PPP1R13B: variants seen among roughly 807,000 people sequenced by gnomAD.
PPP1R13B encodes protein phosphatase 1 regulatory subunit 13B, also known as apoptosis-stimulating of p53 protein 1.
A neutral mutation model predicts 119.8 loss-of-function variants in PPP1R13B; 44 were observed. The observed-to-expected ratio is 0.37, with a 90% CI of 0.29 to 0.47. The LOEUF (loss-of-function observed/expected upper bound fraction) is 0.47. Among genes scored for constraint, PPP1R13B ranks in the 20% least tolerant of loss-of-function variants. The pLI, the probability that PPP1R13B is intolerant of heterozygous loss-of-function variation, is 0.99. For synonymous variants in PPP1R13B, 542 were observed against 561.5 expected, an observed-to-expected ratio of 0.97 and a Z score of 0.49; for missense variants, 1,227 against 1,413.5, an observed-to-expected ratio of 0.87 and a Z score of 2.12.
At chr14:103,752,038 T>A (rs2084562186) in intron 7 of PPP1R13B, among the ~76,000 whole-genome samples, 1 of 152,200 alleles carries the variant, frequency 6.6e-6, no homozygotes, top group Non-Finnish European at 1.5e-5. Context: ...ATACAGGGTG[T>A]GTTTTGGTTA....
At chr14:103,777,771 CAA>C (rs2085240544) in intron 4 of PPP1R13B, among the ~76,000 whole-genome samples, 1 of 148,760 alleles carries the variant, frequency 6.7e-6, no homozygotes, top group Non-Finnish European at 1.5e-5. Flanking sequence ...AGTTATCACC[CAA>C]ACTCATTACT....
intron 6 of PPP1R13B, among the ~76,000 whole-genome samples, chr14:103,753,672 C>T (rs2084603519): frequency 6.6e-6 from 1 of 152,182 alleles, no homozygotes; most frequent in Non-Finnish European, 1.5e-5. Context: ...TCTTGGAGCG[C>T]CCCACCCTAA....
intron 5 of PPP1R13B, among the ~76,000 whole-genome samples, chr14:103,754,660 A>G (rs2084632236): frequency 6.6e-6 from 1 of 152,170 alleles, no homozygotes; most frequent in Admixed American, 6.5e-5. Context: ...CTCATCTTAA[A>G]GAATACTAAA....
At chr14:103,744,934 A>C (rs2084351191) in intron 9 of PPP1R13B, among the ~76,000 whole-genome samples, 6 of 152,244 alleles carry the variant, frequency 3.9e-5, no homozygotes, top group Admixed American at 3.9e-4. Context: ...CACAGCAGAC[A>C]CCAACAAGGA....
intron 4 of PPP1R13B, among the ~76,000 whole-genome samples, chr14:103,776,598 C>T (rs1025766836): frequency 8.5e-5 from 13 of 152,130 alleles, no homozygotes; most frequent in Admixed American, 1.3e-4. Flanking sequence ...TCAGGCTGGG[C>T]GCGATGGCTC....
Position 103,738,706 on chromosome 14 carries a change from T to C in PPP1R13B, c.2837A>G (p.Asn946Ser). ...IVKFLLDFGV[N>S]VNAADSDGWT... is the part of the protein sequence containing the mutation. Reference sequence around the variant, plus strand: ...TCCATCACTATCAGCAGCATTCACGTTGACACCAAAATCCAGCAGGAACTT... The same window carrying C: ...TCCATCACTATCAGCAGCATTCACGCTGACACCAAAATCCAGCAGGAACTT... Residue 946 changes from asparagine (N) to serine (S), a missense_variant, in exon 14 of 17, where the codon AAC becomes AGC. Transcript: ENST00000202556. The surrounding 1 kb of genome is among the most constrained non-coding windows in gnomAD (Gnocchi z 5.6). The C allele has an allele frequency of 6.2e-7, 1 of 1,614,246 alleles. No individual in the cohort carries two copies. Among genetic ancestry groups the C allele is most frequent in the Non-Finnish European group, 8.5e-7 (1 of 1,180,048 alleles).
In PPP1R13B at chr14:103,810,538, C is replaced by T. The variant is rs186227226; in HGVS notation, c.10-13020G>A. On this transcript the variant is annotated intron_variant, in intron 1 of 16. Transcript: ENST00000202556. The stretch of plus-strand genomic sequence containing the variant: ...CCTGTAATCCCAGCACTTTGGGAGG[C>T]CAAGGCAGGCGGATCATGAGGTCAG... Among the ~76,000 whole-genome samples, 72 of 152,148 alleles carry T rather than the reference C, an allele frequency of 4.7e-4. 1 individual carries two copies. Among genetic ancestry groups the T allele is most frequent in the Admixed American group, 6.6e-4 (10 of 15,258 alleles).
intron 1 of PPP1R13B, among the ~76,000 whole-genome samples, chr14:103,845,044 T>C (rs1216520725): frequency 1.3e-5 from 2 of 152,208 alleles, no homozygotes; most frequent in Non-Finnish European, 2.9e-5. Flanking sequence ...CTACTAAAAT[T>C]AGTACTTTTT....
At position 103,740,021 on chromosome 14, in the gene PPP1R13B, G is replaced by C. The variant is rs760696403; in HGVS notation, c.2395C>G (p.Pro799Ala). 1.5e-5 allele frequency: 24 copies of C among 1,614,072 alleles called. No individual in the cohort carries two copies. Among genetic ancestry groups the C allele is most frequent in the Admixed American group, 3.3e-5 (2 of 60,028 alleles). The stretch of plus-strand genomic sequence containing the variant: ...GGACAGATGAGCTCCTCTGGTTCGG[G>C]GGAAGGTAACTCATTATCATTGGCA... ...SDANDNELPS[P>A]EPEELICPQT... is the part of the protein sequence containing the mutation. Residue 799 changes from proline (P) to alanine (A), a missense_variant, in exon 12 of 17, where the codon CCC becomes GCC. Transcript: ENST00000202556. This position sits in a 1 kb window ranked among gnomAD's most constrained non-coding sequence, Gnocchi z 4.6.
rs34091341 is a variant in PPP1R13B, at chr14:103,740,099, G to C, written c.2317C>G (p.Pro773Ala). 6.2e-7 allele frequency: 1 copy of C among 1,613,846 alleles called. No homozygotes were observed. The highest frequency in any genetic ancestry group is 1.7e-5 in the Admixed American group (1 of 60,030). The change falls in exon 12 of 17, where the codon CCC becomes GCC. Residue 773 changes from proline (P) to alanine (A), a missense_variant. Physicochemically the swap from Pro to Ala is conservative, Grantham distance 27 (BLOSUM62 -1). Coordinates refer to ENST00000202556, the MANE Select transcript of PPP1R13B (RefSeq NM_015316.3). The surrounding 1 kb of genome is among the most constrained non-coding windows in gnomAD (Gnocchi z 4.6). ...AGTGGGGCTGTGGGCTGGGCAGGGG[G>C]GAGCTCTTCCAGGTTTCCATTGGCA... is the stretch of plus-strand genomic sequence containing the variant. ...TNANGNLEELPPAQPTAPLPA... is the reference protein window; with the variant it reads ...TNANGNLEELAPAQPTAPLPA...
In PPP1R13B at chr14:103,746,461, A is replaced by G; in HGVS notation, c.1062T>C (p.Ser354=). Residue 354 remains serine (S), a synonymous_variant, in exon 9 of 17, where the codon AGT becomes AGC. Coordinates refer to ENST00000202556, the MANE Select transcript of PPP1R13B (RefSeq NM_015316.3). ...CCCCCAGCACAGGAAAGCTTCCGGC[A>G]CTGGGAACCTGGATATAAGGCCCCA... is the stretch of plus-strand genomic sequence containing the variant. ...AAVGPYIQVP[S]AGSFPVLGDP... is the part of the protein sequence containing the mutation. The G allele has an allele frequency of 4.3e-6, 7 of 1,614,156 alleles. No individual in the cohort carries two copies. Among genetic ancestry groups the G allele is most frequent in the Non-Finnish European group, 5.9e-6 (7 of 1,179,988 alleles).
intron 4 of PPP1R13B, among the ~76,000 whole-genome samples, chr14:103,766,642 C>G (rs968701807): frequency 3.9e-5 from 6 of 152,278 alleles, no homozygotes; most frequent in Middle Eastern, 3.4e-3. Flanking sequence ...AAGAGTCTCG[C>G]TCTGTCACCA....
upstream of PPP1R13B, chr14:103,847,607 C>G: frequency 6.1e-6 from 6 of 986,392 alleles, no homozygotes; most frequent in Non-Finnish European, 6.0e-6. Context: ...CTCTTCAGCC[C>G]CCGCAGGCCC....
intron 1 of PPP1R13B, among the ~76,000 whole-genome samples, chr14:103,813,777 C>T (rs968531942): frequency 7.2e-5 from 11 of 152,058 alleles, no homozygotes; most frequent in African/African-American, 2.4e-4. Flanking sequence ...TAGGTAAGAA[C>T]TGAGTCACCT....
At chr14:103,826,974 T>C (rs2086560094) in intron 1 of PPP1R13B, among the ~76,000 whole-genome samples, 1 of 149,376 alleles carries the variant, frequency 6.7e-6, no homozygotes, top group Non-Finnish European at 1.5e-5. Context: ...ATCATGCCAC[T>C]GCACTCCAGC....
In PPP1R13B at chr14:103,754,193, T is replaced by C. The variant is rs140395624; in HGVS notation, c.508A>G (p.Ile170Val). The C allele has an allele frequency of 3.9e-3, 6,347 of 1,614,048 alleles. 36 individuals are homozygous for C. Among genetic ancestry groups the C allele is most frequent in the Middle Eastern group, 0.02 (119 of 6,062 alleles). ...KQQERRQQQS[I>V]SENEKLQKLK... ...TTCTGAAGCTTTTCATTTTCAGAAATAGACTGCTGCTGACGGCGCTCCTGT... is the reference window on the plus strand; with the variant it reads ...TTCTGAAGCTTTTCATTTTCAGAAACAGACTGCTGCTGACGGCGCTCCTGT... Residue 170 changes from isoleucine (I) to valine (V), a missense_variant, in exon 6 of 17, where the codon ATT becomes GTT. By Grantham distance (29) the Ile-to-Val change is conservative. Transcript: ENST00000202556.
chr14:103,767,786 T>A (rs2084969808), intron 4 of PPP1R13B, among the ~76,000 whole-genome samples: 1 of 152,216 alleles, frequency 6.6e-6, no homozygotes, highest in Non-Finnish European at 1.5e-5. Context: ...CAGTTTCATG[T>A]CTATTCCTCT....
At chr14:103,808,886 A>G (rs555596507) in intron 1 of PPP1R13B, among the ~76,000 whole-genome samples, 3 of 152,088 alleles carry the variant, frequency 2.0e-5, no homozygotes, top group Admixed American at 6.6e-5. Context: ...TCTTTTTTTT[A>G]GAGACAGGAT....
At chr14:103,750,893 C>A (rs745330337) in intron 7 of PPP1R13B, among the ~76,000 whole-genome samples, 2 of 151,834 alleles carry the variant, frequency 1.3e-5, no homozygotes, top group African/African-American at 4.8e-5. Flanking sequence ...CAGTGGCTCA[C>A]GCCTATAATC....
Sources: gnomAD v4.1 joint callset for allele counts (sites outside exome capture counted in the v4.1 genomes callset) on GRCh38, gnomAD v4.1.1 for gene constraint, Gnocchi (gnomAD v3.1) non-coding constraint, MANE v1.5 for transcripts, NCBI Gene and HGNC (gene_info 2026-07-23, HGNC 2026-07-21) for gene names.